TCF20: variants seen among roughly 807,000 people sequenced by gnomAD.
TCF20 encodes SPRE-binding protein.
In TCF20, 3 loss-of-function variants were observed where a neutral mutation model predicts 148.6. The observed-to-expected ratio is 0.02, with a 90% CI of 0.01 to 0.05. The LOEUF is 0.05. Ranked by LOEUF, TCF20 falls within the 10% of genes least tolerant of loss-of-function variation. The probability of loss-of-function intolerance (pLI) is 1.00; values close to 1 mark genes in which losing one functional copy is unlikely to be tolerated. For missense variants in TCF20, 2,350 were observed against 2,429.3 expected (o/e 0.97, Z 0.69); for synonymous variants, 1,049 against 909.5 (o/e 1.15, Z -2.76).
intron 1 of TCF20, among the ~76,000 whole-genome samples, chr22:42,306,686 T>A (rs1927440424): frequency 6.6e-6 from 1 of 152,162 alleles, no homozygotes. Flanking sequence ...GGGATGGAGC[T>A]GCCGTAGGCA....
At chr22:42,224,065 G>A (rs960731476) in intron 1 of TCF20, among the ~76,000 whole-genome samples, 1 of 152,116 alleles carries the variant, frequency 6.6e-6, no homozygotes, top group Non-Finnish European at 1.5e-5. Context: ...TATCTAAAAA[G>A]ATTGCTTTCT....
chr22:42,160,928 TCA>T lies in TCF20; in HGVS notation c.*473_*474del. On this transcript the variant is annotated 3_prime_UTR_variant, in exon 6 of 6. Transcript: ENST00000677622. ...AGATGAGGGTTTGTTCAGTTCAATC[TCA>T]CATTTAAATTTCACTTGTCATCGGA... is the stretch of plus-strand genomic sequence containing the variant. 1 of 162,416 alleles carries T rather than the reference TCA, an allele frequency of 6.2e-6. No individual in the cohort carries two copies. Among genetic ancestry groups the T allele is most frequent in the African/African-American group, 2.4e-5 (1 of 41,722 alleles). The allele number at this position is 162,416 out of a possible 1,614,324, so 10.1% of individuals were successfully genotyped here.
intron 3 of TCF20, 93 bp downstream of exon 3, chr22:42,179,516 A>T: frequency 1.2e-6 from 1 of 822,752 alleles, no homozygotes; most frequent in Non-Finnish European, 1.8e-6. Context: ...AAAAAAGAAA[A>T]GAAAAGAAAA....
At chr22:42,201,023 G>C (rs935814274) in intron 2 of TCF20, among the ~76,000 whole-genome samples, 18 of 152,194 alleles carry the variant, frequency 1.2e-4, no homozygotes, top group Admixed American at 1.0e-3. Context: ...GAGGTGGCTG[G>C]ATCATGTGGG....
Position 42,250,750 on chromosome 22 carries a change from T to C in TCF20, c.-37+19589A>G, listed in dbSNP as rs148495911. 1.5e-3 allele frequency among the ~76,000 whole-genome samples: 235 copies of C among 152,320 alleles called. 1 individual carries two copies. The highest frequency in any genetic ancestry group is 2.4e-3 in the Non-Finnish European group (165 of 68,034). ...AGTGGTGTACTAGGCTGTTCCTGCA[T>C]TGCTATGAAGGAATACTTAAAAGAA... On this transcript the variant is annotated intron_variant, in intron 1 of 5. Transcript: ENST00000677622.
At chr22:42,295,233 C>T (rs1006393807) in intron 1 of TCF20, among the ~76,000 whole-genome samples, 4 of 152,126 alleles carry the variant, frequency 2.6e-5, no homozygotes, top group African/African-American at 9.7e-5. Flanking sequence ...ATACAGCTGC[C>T]CCTGCACCAT....
At chr22:42,216,965 C>CAT (rs1279658769) in intron 1 of TCF20, among the ~76,000 whole-genome samples, 8 of 152,160 alleles carry the variant, frequency 5.3e-5, no homozygotes, top group Non-Finnish European at 1.0e-4. Flanking sequence ...TTCCAAAATA[C>CAT]ATATAGGGTA....
chr22:42,326,494 G>A (rs1451211128), intron 1 of TCF20, among the ~76,000 whole-genome samples: 1 of 152,174 alleles, frequency 6.6e-6, no homozygotes, highest in Non-Finnish European at 1.5e-5. Flanking sequence ...GACAGACCCT[G>A]TGACATGCTT....
At chr22:42,324,068 T>G in intron 1 of TCF20, among the ~76,000 whole-genome samples, 1 of 119,580 alleles carries the variant, frequency 8.4e-6, no homozygotes, top group Admixed American at 8.1e-5. Context: ...GTGATGGAGG[T>G]TATGGTGGTG....
At chr22:42,300,398 A>AG (rs894464741) in intron 1 of TCF20, among the ~76,000 whole-genome samples, 8 of 152,156 alleles carry the variant, frequency 5.3e-5, no homozygotes, top group Non-Finnish European at 1.0e-4. Flanking sequence ...CTAAAAAAAA[A>AG]AAGAAAAAAA....
chr22:42,243,292 C>CAAAAAAAAACAAAAAAAAAAAAAAAAA (rs1924605276), intron 1 of TCF20, among the ~76,000 whole-genome samples: 1 of 39,478 alleles, frequency 2.5e-5, no homozygotes, highest in African/African-American at 8.5e-5. Context: ...GACACTGTCT[C>CAAAAAAAAACAAAAAAAAAAAAAAAAA]AAAAAAAAAA....
chr22:42,183,501 C>A (rs557096114), intron 2 of TCF20, among the ~76,000 whole-genome samples: 1 of 152,288 alleles, frequency 6.6e-6, no homozygotes, highest in East Asian at 1.9e-4. Flanking sequence ...TGCAATGCTG[C>A]TGGCCTGGAA....
At chr22:42,321,715 G>A (rs2147050002) in intron 1 of TCF20, among the ~76,000 whole-genome samples, 1 of 151,862 alleles carries the variant, frequency 6.6e-6, no homozygotes, top group Non-Finnish European at 1.5e-5. Flanking sequence ...GGAAGGCGGA[G>A]GTGGGCCGAT....
Position 42,210,226 on chromosome 22 carries a change from C to G in TCF20, c.5080G>C (p.Val1694Leu). Residue 1694 changes from valine to leucine, a missense_variant, in exon 2 of 6, where the codon GTG becomes CTG. By Grantham distance (32) the Val-to-Leu change is conservative. Coordinates refer to ENST00000677622, the MANE Select transcript of TCF20 (RefSeq NM_001378418.1). This position sits in a 1 kb window ranked among gnomAD's most constrained non-coding sequence, Gnocchi z 4.7. ...TGCCCCATAACCGAAGACTCTGTCA[C>G]AACAGGTCCCTGCAGCATAAAGGAC... ...ASSFMLQGPVVTESSVMGHLV... is the reference protein window; with the variant it reads ...ASSFMLQGPVLTESSVMGHLV... The G allele has an allele frequency of 1.9e-6, 3 of 1,614,222 alleles. No homozygotes were observed. The highest frequency in any genetic ancestry group is 2.5e-6 in the Non-Finnish European group (3 of 1,180,052).
At chr22:42,306,863 A>C (rs1331509105) in intron 1 of TCF20, among the ~76,000 whole-genome samples, 1 of 151,804 alleles carries the variant, frequency 6.6e-6, no homozygotes, top group Non-Finnish European at 1.5e-5. Flanking sequence ...ACATGGTGAA[A>C]CTCTGTCTCT....
intron 1 of TCF20, among the ~76,000 whole-genome samples, chr22:42,224,298 C>G (rs1022464979): frequency 6.6e-6 from 1 of 151,800 alleles, no homozygotes; most frequent in African/African-American, 2.4e-5. Flanking sequence ...AGTGAAACCC[C>G]GTCTCTACTA....
rs1350505715 is a variant in TCF20, at chr22:42,275,972, G to A, written c.-37+7855C>T. 2.0e-5 allele frequency among the ~76,000 whole-genome samples: 3 copies of A among 152,140 alleles called. No individual in the cohort carries two copies. The East Asian group carries it at 5.8e-4, about 29-fold the overall frequency. ...ACTGAGGCACAGAGCAGCTCGGAGG[G>A]GGCAGAGCTGAATCTGACAGGCTAC... On this transcript the variant is annotated intron_variant, in intron 1 of 5. Coordinates refer to the TCF20 transcript ENST00000359486.
At chr22:42,255,956 C>T (rs1304027123) in intron 1 of TCF20, among the ~76,000 whole-genome samples, 4 of 152,186 alleles carry the variant, frequency 2.6e-5, no homozygotes, top group African/African-American at 9.7e-5. Flanking sequence ...GGCCCTTAGC[C>T]TAAGGGCCCA....
At chr22:42,195,612 G>A (rs1300079792) in intron 2 of TCF20, among the ~76,000 whole-genome samples, 2 of 150,226 alleles carry the variant, frequency 1.3e-5, no homozygotes, top group African/African-American at 2.5e-5. Context: ...CGATTCTCCC[G>A]CCTCAGCCTC....
Sources: gnomAD v4.1 joint callset for allele counts (sites outside exome capture counted in the v4.1 genomes callset) on GRCh38, gnomAD v4.1.1 for gene constraint, Gnocchi (gnomAD v3.1) non-coding constraint, MANE v1.5 for transcripts, NCBI Gene and HGNC (gene_info 2026-07-23, HGNC 2026-07-21) for gene names.